Variants in CELF2 observed in about 807,000 individuals in gnomAD.
The protein encoded by CELF2 is CUGBP Elav-like family member 2, also known as CUG triplet repeat RNA-binding protein 2.
Under a neutral mutation model 62.6 loss-of-function variants are expected in CELF2, and 8 were observed. The observed-to-expected ratio is 0.13, with a 90% confidence interval of 0.07 to 0.23. CELF2 has a LOEUF of 0.23. Among genes scored for constraint, CELF2 ranks in the 10% least tolerant of loss-of-function variants. The pLI, the probability that CELF2 is intolerant of heterozygous loss-of-function variation, is 1.00. For synonymous variants in CELF2, 258 were observed against 250.0 expected (o/e 1.03, Z -0.30); for missense variants, 333 against 671.0 (o/e 0.50, Z 5.56).
the CELF2 span, among the ~76,000 whole-genome samples, chr10:10,687,797 C>T: frequency 6.6e-6 from 1 of 152,044 alleles, no homozygotes; most frequent in Non-Finnish European, 1.5e-5. Flanking sequence ...TTTCTATTGC[C>T]CCAGTGTTTA....
chr10:10,832,576 A>G (rs1366940230), intron 1 of CELF2, among the ~76,000 whole-genome samples: 1 of 152,222 alleles, frequency 6.6e-6, no homozygotes, highest in African/African-American at 2.4e-5. Context: ...TCGAAGAGTG[A>G]TGATAGCTTT....
chr10:11,025,229 G>GTA (rs1197369642), intron 1 of CELF2, among the ~76,000 whole-genome samples: 1 of 48,982 alleles, frequency 2.0e-5, no homozygotes, highest in Non-Finnish European at 7.3e-5. Context: ...GTGTGTGTGT[G>GTA]TGTGTGTGTG....
chr10:10,816,553 G>A (rs2131858366), intron 1 of CELF2, among the ~76,000 whole-genome samples: 1 of 152,316 alleles, frequency 6.6e-6, no homozygotes. Flanking sequence ...CCATAGAGCT[G>A]TAAGAAGAAA....
chr10:10,944,075 T>C (rs1231309229), intron 2 of CELF2: 5 of 152,556 alleles, frequency 3.3e-5, no homozygotes, highest in Admixed American at 3.3e-4. Context: ...TCTATCTAGG[T>C]GTGTGACTTT....
rs924216808 is a variant in CELF2 at position 11,333,990 on chromosome 10, A to T, written c.*4937A>T. The T allele has an allele frequency of 6.6e-6, 1 of 152,094 alleles. No homozygotes were observed. Among genetic ancestry groups the T allele is most frequent in the Non-Finnish European group, 1.5e-5 (1 of 67,896 alleles). The allele number at this position is 152,094 out of a possible 1,614,324, so 9.4% of individuals were successfully genotyped here. ...GTTGATTGATTGATTGATTGATAGA[A>T]AGAAAGTTGCTTTTCTTTTGAGAAT... On this transcript the variant is annotated 3_prime_UTR_variant, in exon 13 of 13. Transcript: ENST00000633077.
the CELF2 span, among the ~76,000 whole-genome samples, chr10:10,751,777 A>G: frequency 2.0e-5 from 3 of 152,222 alleles, no homozygotes; most frequent in Non-Finnish European, 4.4e-5. Flanking sequence ...TTTAATGAGT[A>G]GTTAAATTGG....
At chr10:10,579,128 A>G in the CELF2 span, among the ~76,000 whole-genome samples, 1 of 152,208 alleles carries the variant, frequency 6.6e-6, no homozygotes, top group Non-Finnish European at 1.5e-5. Context: ...AAAAGGGTAT[A>G]AAAGAACAAG....
chr10:10,942,546 A>G (rs938909666), intron 2 of CELF2, among the ~76,000 whole-genome samples: 2 of 152,222 alleles, frequency 1.3e-5, no homozygotes, highest in Non-Finnish European at 1.5e-5. Context: ...AAGAGAGAGA[A>G]TAAGATCTGG....
intron 2 of CELF2, among the ~76,000 whole-genome samples, chr10:10,992,519 G>C (rs76112686): frequency 2.0e-5 from 3 of 152,130 alleles, no homozygotes; most frequent in Admixed American, 6.5e-5. Context: ...GAAGGAGGGC[G>C]CAAAGAATTG....
rs536714586 is a variant in CELF2 at position 11,311,706 on chromosome 10, C to T, written c.977-2433C>T. Among the ~76,000 whole-genome samples, 6 of 151,436 alleles carry T rather than the reference C, an allele frequency of 4.0e-5. No homozygotes were observed. Among genetic ancestry groups the T allele is most frequent in the African/African-American group, 9.7e-5 (4 of 41,190 alleles). ...GTAAAATTTGGAGATGTAAGTTTAG[C>T]GGAACATTACATACAATTGAAAGAG... is the stretch of plus-strand genomic sequence containing the variant. On this transcript the variant is annotated intron_variant, in intron 9 of 12. Transcript: ENST00000633077. This position sits in a 1 kb window ranked among gnomAD's most constrained non-coding sequence, Gnocchi z 4.7.
At chr10:11,099,126 G>A (rs2050729225) in intron 1 of CELF2, among the ~76,000 whole-genome samples, 1 of 152,150 alleles carries the variant, frequency 6.6e-6, no homozygotes, top group Admixed American at 6.5e-5. Flanking sequence ...CAGTTGGAAG[G>A]AACTATTTGA....
chr10:10,816,735 C>A (rs2056494159), intron 1 of CELF2, among the ~76,000 whole-genome samples: 1 of 152,120 alleles, frequency 6.6e-6, no homozygotes, highest in Admixed American at 6.5e-5. Flanking sequence ...CCTTGCTTTG[C>A]CATTAAATTC....
chr10:10,473,419 C>T, the CELF2 span, among the ~76,000 whole-genome samples: 2 of 151,980 alleles, frequency 1.3e-5, no homozygotes, highest in South Asian at 2.1e-4. Context: ...TGTAGAACTG[C>T]GATGTGATAT....
intron 1 of CELF2, among the ~76,000 whole-genome samples, chr10:10,913,885 A>AGGAAGGAAGGAAGGAAGGAG (rs141260316): frequency 3.6e-5 from 1 of 27,906 alleles, no homozygotes; most frequent in African/African-American, 8.0e-5. Flanking sequence ...GAAGGAAGGA[A>AGGAAGGAAGGAAGGAAGGAG]GAAGGAAGGG....
At chr10:10,732,685 G>A in the CELF2 span, among the ~76,000 whole-genome samples, 1 of 151,978 alleles carries the variant, frequency 6.6e-6, no homozygotes, top group Admixed American at 6.6e-5. Flanking sequence ...CACCACGCCT[G>A]GCTAGTTTTT....
At chr10:10,550,824 G>A in the CELF2 span, among the ~76,000 whole-genome samples, 2 of 151,744 alleles carry the variant, frequency 1.3e-5, no homozygotes, top group African/African-American at 2.4e-5. Flanking sequence ...TCAGCCTCCC[G>A]AGTGGCTGGG....
chr10:10,693,256 T>G, the CELF2 span, among the ~76,000 whole-genome samples: 1 of 134,304 alleles, frequency 7.4e-6, no homozygotes, highest in Non-Finnish European at 1.6e-5. Context: ...TTTCTGCATC[T>G]ATTGAGATAA....
At chr10:10,815,738 G>A (rs948231211) in intron 1 of CELF2, among the ~76,000 whole-genome samples, 5 of 151,782 alleles carry the variant, frequency 3.3e-5, no homozygotes, top group Admixed American at 6.6e-5. Context: ...TTTTGCATAC[G>A]TTCTGTGGAT....
At chr10:11,295,021 C>A (rs1367259812) in intron 9 of CELF2, among the ~76,000 whole-genome samples, 1 of 152,238 alleles carries the variant, frequency 6.6e-6, no homozygotes, top group African/African-American at 2.4e-5. Context: ...AGAAAGAGCA[C>A]TGACCTCCCG....
Sources: gnomAD v4.1 joint callset for allele counts (sites outside exome capture counted in the v4.1 genomes callset) on GRCh38, gnomAD v4.1.1 for gene constraint, Gnocchi (gnomAD v3.1) non-coding constraint, MANE v1.5 for transcripts, NCBI Gene and HGNC (gene_info 2026-07-23, HGNC 2026-07-21) for gene names.